The following POLR1A variants were observed in gnomAD, a reference collection of about 807,000 sequenced individuals.
POLR1A encodes the protein DNA-directed RNA polymerase I subunit RPA1.
POLR1A carries 84 observed loss-of-function variants against 205.3 expected under a neutral mutation model. The observed-to-expected ratio is 0.41, with a 90% CI of 0.34 to 0.49. The LOEUF is 0.49. POLR1A is among the 20% of genes least tolerant of loss of function. The pLI, the probability that POLR1A is intolerant of heterozygous loss-of-function variation, is 0.22. For missense variants in POLR1A, 1,645 were observed against 2,204.5 expected, an observed-to-expected ratio of 0.75 and a Z score of 5.08; for synonymous variants, 799 against 863.7, an observed-to-expected ratio of 0.93 and a Z score of 1.31.
chr2:86,084,275 G>T (rs1401050854), intron 6 of POLR1A, among the ~76,000 whole-genome samples: 1 of 151,940 alleles, frequency 6.6e-6, no homozygotes, highest in East Asian at 1.9e-4. Context: ...CAGAAAAAAA[G>T]AAAATACTGG....
chr2:86,097,214 C>CAGAAA (rs1673720213), intron 3 of POLR1A, among the ~76,000 whole-genome samples: 1 of 39,690 alleles, frequency 2.5e-5, no homozygotes, highest in East Asian at 1.0e-3. Context: ...CCCCAAAAGA[C>CAGAAA]AAAAAAAAAA....
At chr2:86,097,738 A>G (rs1300134353) in intron 3 of POLR1A, among the ~76,000 whole-genome samples, 1 of 152,210 alleles carries the variant, frequency 6.6e-6, no homozygotes, top group East Asian at 1.9e-4. Context: ...GAGGCTGAGT[A>G]GGGTAGGGAA....
At chr2:86,086,939 T>C (rs988907277) in intron 6 of POLR1A, among the ~76,000 whole-genome samples, 1 of 152,238 alleles carries the variant, frequency 6.6e-6, no homozygotes, top group South Asian at 2.1e-4. Flanking sequence ...GAAAATCCAC[T>C]CTTACAGTGT....
intron 7 of POLR1A, among the ~76,000 whole-genome samples, chr2:86,082,280 C>T (rs1241961676): frequency 1.3e-5 from 2 of 152,138 alleles, no homozygotes; most frequent in Non-Finnish European, 2.9e-5. Flanking sequence ...GAAGAAACTT[C>T]ACTTGTTTTT....
intron 22 of POLR1A, 56 bp downstream of exon 22, chr2:86,044,083 C>T (rs1162106642): frequency 3.2e-6 from 5 of 1,573,684 alleles, no homozygotes; most frequent in Admixed American, 1.7e-5. Context: ...AGTTCTCTAA[C>T]CTCGGTGGGG....
At chr2:86,046,203 G>A (rs984337331) in intron 19 of POLR1A, among the ~76,000 whole-genome samples, 2 of 152,158 alleles carry the variant, frequency 1.3e-5, no homozygotes, top group African/African-American at 4.8e-5. Flanking sequence ...GCTGAGGCAG[G>A]AGGATCCCTT....
At chr2:86,073,915 A>G (rs1406243088) in intron 12 of POLR1A, among the ~76,000 whole-genome samples, 3 of 152,228 alleles carry the variant, frequency 2.0e-5, no homozygotes, top group Non-Finnish European at 2.9e-5. Flanking sequence ...TTGCTCACAC[A>G]GTGCCTAGCG....
chr2:86,087,354 T>A (rs1174263739), intron 6 of POLR1A, among the ~76,000 whole-genome samples: 1 of 152,260 alleles, frequency 6.6e-6, no homozygotes, highest in Non-Finnish European at 1.5e-5. Flanking sequence ...TTATCCCATA[T>A]TCTCAAACCC....
rs775989738 is a variant in POLR1A at position 86,043,114 on chromosome 2, T to C, written c.3217A>G (p.Lys1073Glu). Residue 1073 changes from lysine to glutamate, a missense_variant, in exon 23 of 34, where the codon AAA (lysine) becomes GAA (glutamate). Around this residue, in one of 16 missense-constraint regions of POLR1A, gnomAD observed 201 missense variants for 222.3 expected, o/e 0.90. Coordinates refer to ENST00000263857, the MANE Select transcript of POLR1A (RefSeq NM_015425.6). ...KKALHHFRAIKKWQSKHPNTL... is the reference protein window; with the variant it reads ...KKALHHFRAIEKWQSKHPNTL... ...TTGGGGTGCTTGCTTTGCCATTTTT[T>C]GATAGCTCTGAAGTGGTGGAGAGCT... 1 of 1,614,176 alleles carries C rather than the reference T, an allele frequency of 6.2e-7. No homozygotes were observed.
rs1241831443 is a variant in POLR1A, at chr2:86,023,188, T to C, written c.*4235A>G. On this transcript the variant is annotated 3_prime_UTR_variant, in exon 34 of 34. Coordinates refer to ENST00000263857, the MANE Select transcript of POLR1A (RefSeq NM_015425.6). ...ACTGTAGCTATTTTGGTGGTTGTAATTGAAGTAAAACTGCACCAGGGTCAG... is the reference window on the plus strand; with the variant it reads ...ACTGTAGCTATTTTGGTGGTTGTAACTGAAGTAAAACTGCACCAGGGTCAG... 1 of 152,198 alleles carries C rather than the reference T, an allele frequency of 6.6e-6. No individual in the cohort carries two copies. Among genetic ancestry groups the C allele is most frequent in the Non-Finnish European group, 1.5e-5 (1 of 68,044 alleles). The allele number at this position is 152,198 out of a possible 1,614,324, so 9.4% of individuals were successfully genotyped here. A position where few individuals can be genotyped will look rare whatever the true frequency, so the allele number is the denominator to read the frequency against.
Position 86,040,484 on chromosome 2 carries a change from G to T in POLR1A, c.3648C>A (p.Ala1216=), listed in dbSNP as rs1672581389. The change falls in exon 25 of 34, where the codon GCC becomes GCA. Residue 1216 remains alanine, a synonymous_variant. Coordinates refer to ENST00000263857, the MANE Select transcript of POLR1A (RefSeq NM_015425.6). ...EPGEAVGLLA[A]QSIGEPSTQM... ...GGGTGGAGGGCTCTCCGATGCTCTG[G>T]GCAGCCAGCAGGCCCACAGCCTCGC... 6.2e-7 allele frequency: 1 copy of T among 1,613,298 alleles called. No individual in the cohort carries two copies. Among genetic ancestry groups the T allele is most frequent in the African/African-American group, 1.3e-5 (1 of 74,852 alleles).
chr2:86,105,635 GA>G, intron 1 of POLR1A, 64 bp downstream of exon 1: 1 of 1,099,740 alleles, frequency 9.1e-7, no homozygotes, highest in Non-Finnish European at 1.4e-6. Flanking sequence ...GCGCTTCTGG[GA>G]ATCGTAGTTT....
rs200374085 is a variant in POLR1A at position 86,030,259 on chromosome 2, G to C, written c.4716C>G (p.Asn1572Lys). 2.5e-6 allele frequency: 4 copies of C among 1,614,142 alleles called. No homozygotes were observed. The Admixed American group carries it at 5.0e-5, about 20-fold the overall frequency. ...CLLNETTNNK[N>K]EKELVLNTEG... ...CTGTGTTTAGCACAAGCTCCTTCTC[G>C]TTCTTATTGTTGGTTGTTTCATTCA... Residue 1572 changes from asparagine to lysine, a missense_variant, in exon 31 of 34, where the codon AAC (asparagine) becomes AAG (lysine). Asn to Lys is a moderately conservative substitution (Grantham distance 94). Transcript: ENST00000263857.
At chr2:86,064,140 G>A (rs928468990) in intron 14 of POLR1A, among the ~76,000 whole-genome samples, 1 of 152,142 alleles carries the variant, frequency 6.6e-6, no homozygotes, top group South Asian at 2.1e-4. Flanking sequence ...ATTTTTTAGT[G>A]TGTCTCTAAA....
rs1412826803 is a variant in POLR1A at position 86,030,381 on chromosome 2, G to C, written c.4594C>G (p.Pro1532Ala). 1.4e-5 allele frequency: 23 copies of C among 1,613,510 alleles called. No individual in the cohort carries two copies. The East Asian group carries it at 5.1e-4, about 36-fold the overall frequency. Residue 1532 changes from proline to alanine, a missense_variant, in exon 31 of 34, where the codon CCT becomes GCT. By Grantham distance (27) the Pro-to-Ala change is conservative. This residue lies in a region of POLR1A where 394 missense variants were observed against 468.5 expected (regional missense o/e 0.84). Transcript: ENST00000263857. ...SLWCQVTVKL[P>A]LMKINFDMSS... ...ATGTCAAAGTTGATCTTCATCAGAG[G>C]GAGCTTCACTGTCACCTGCAAAAGG...
chr2:86,040,271 CCT>C, intron 25 of POLR1A, 119 bp downstream of exon 25: 1 of 787,674 alleles, frequency 1.3e-6, no homozygotes, highest in Middle Eastern at 2.7e-4. Context: ...AGACCCTGTC[CCT>C]CTCTCACACA....
intron 16 of POLR1A, among the ~76,000 whole-genome samples, chr2:86,052,048 A>G (rs1021871127): frequency 4.6e-5 from 7 of 152,096 alleles, no homozygotes; most frequent in Non-Finnish European, 8.8e-5. Flanking sequence ...GGGTTCAAGC[A>G]ATTCTCCCGC....
At chr2:86,087,139 T>C (rs1673516540) in intron 6 of POLR1A, among the ~76,000 whole-genome samples, 1 of 152,202 alleles carries the variant, frequency 6.6e-6, no homozygotes, top group Non-Finnish European at 1.5e-5. Context: ...ATCTACTATG[T>C]TATACAGTAG....
chr2:86,038,945 C>A, intron 26 of POLR1A, 88 bp from the exon 27 acceptor site: 1 of 1,221,432 alleles, frequency 8.2e-7, no homozygotes. Flanking sequence ...CAAGGGTTTA[C>A]AGAGATAGCA....
Sources: allele counts gnomAD v4.1 joint callset (sites outside exome capture counted in the v4.1 genomes callset), GRCh38; gene constraint gnomAD v4.1.1; regional missense constraint gnomAD v4.1.1; transcripts MANE v1.5; gene names NCBI Gene and HGNC (gene_info 2026-07-23, HGNC 2026-07-21).